VPS13C: variants seen among roughly 807,000 people sequenced by gnomAD.
VPS13C encodes intermembrane lipid transfer protein VPS13C.
A neutral mutation model predicts 456.8 loss-of-function variants in VPS13C; 358 were observed. That is an observed-to-expected ratio of 0.78 (90% CI 0.72 to 0.86). The LOEUF (loss-of-function observed/expected upper bound fraction) is 0.86. Ranked by LOEUF, VPS13C falls within the 40% of genes least tolerant of loss-of-function variation. The pLI is 0.00. For synonymous variants in VPS13C, 1,578 were observed against 1,486.7 expected, an observed-to-expected ratio of 1.06 and a Z score of -1.41; for missense variants, 4,818 against 4,385.4, an observed-to-expected ratio of 1.10 and a Z score of -2.79.
At chr15:61,878,934 A>C (rs1303559663) in intron 73 of VPS13C, among the ~76,000 whole-genome samples, 188 bp from the exon 74 acceptor site, 1 of 152,098 alleles carries the variant, frequency 6.6e-6, no homozygotes, top group Non-Finnish European at 1.5e-5. Context: ...TTTTTGATAG[A>C]ATACAAATTA....
intron 66 of VPS13C, among the ~76,000 whole-genome samples, chr15:61,895,528 C>G (rs1406720901): frequency 6.6e-6 from 1 of 151,806 alleles, no homozygotes; most frequent in East Asian, 1.9e-4. Context: ...CAGTTGATAC[C>G]AAGGAAATAC....
At chr15:61,865,338 C>T (rs8037603) in intron 81 of VPS13C, 13 of 974,230 alleles carry the variant, frequency 1.3e-5, no homozygotes, top group South Asian at 9.5e-5. Flanking sequence ...TGAATTAAGA[C>T]GAGATAAAAA....
intron 1 of VPS13C, among the ~76,000 whole-genome samples, chr15:62,047,688 C>G (rs899543118): frequency 2.6e-5 from 4 of 152,138 alleles, no homozygotes; most frequent in African/African-American, 9.7e-5. Flanking sequence ...TTCATTCATT[C>G]AAGCAGTAGC....
chr15:61,991,665 G>A lies in VPS13C; in HGVS notation c.1483+8C>T. 6.2e-7 allele frequency: 1 copy of A among 1,608,542 alleles called. No homozygotes were observed. Among genetic ancestry groups the A allele is most frequent in the Non-Finnish European group, 8.5e-7 (1 of 1,177,382 alleles). ...ACTGTACAATAAGTTATTTGACTTGGAACTTACTTTCAGGAATCAATGATT... is the reference window on the plus strand; with the variant it reads ...ACTGTACAATAAGTTATTTGACTTGAAACTTACTTTCAGGAATCAATGATT... On this transcript the variant is annotated splice_region_variant and intron_variant, in intron 17 of 84. Coordinates refer to ENST00000644861, the MANE Select transcript of VPS13C (RefSeq NM_020821.3).
chr15:61,967,922 G>A (rs1274121262), intron 28 of VPS13C, among the ~76,000 whole-genome samples: 1 of 151,974 alleles, frequency 6.6e-6, no homozygotes, highest in African/African-American at 2.4e-5. Flanking sequence ...TGTGGAAGGA[G>A]AAGTAATTTG....
At chr15:61,859,462 C>T (rs1013890321) in intron 82 of VPS13C, among the ~76,000 whole-genome samples, 1 of 152,180 alleles carries the variant, frequency 6.6e-6, no homozygotes, top group African/African-American at 2.4e-5. Context: ...TGAGCTGCTA[C>T]CTATGACTGA....
intron 19 of VPS13C, among the ~76,000 whole-genome samples, chr15:61,984,298 T>G (rs2045971281): frequency 6.6e-6 from 1 of 152,154 alleles, no homozygotes; most frequent in African/African-American, 2.4e-5. Context: ...GAATAAAAGA[T>G]CACACGACAT....
chr15:61,954,471 T>C lies in VPS13C; in HGVS notation c.4249A>G (p.Ile1417Val). 1.2e-6 allele frequency: 2 copies of C among 1,609,982 alleles called. No homozygotes were observed. Among genetic ancestry groups the C allele is most frequent in the Non-Finnish European group, 1.7e-6 (2 of 1,178,322 alleles). ...ATATTAATGATGTCTACAGACCTAATTTCTTCCACTCCAGTTGTTAAAGTA... is the reference window on the plus strand; with the variant it reads ...ATATTAATGATGTCTACAGACCTAACTTCTTCCACTCCAGTTGTTAAAGTA... ...KNTLTTGVEE[I>V]RSVDIINMLL... is the part of the protein sequence containing the mutation. The change falls in exon 38 of 85, where the codon ATT becomes GTT. Residue 1417 changes from isoleucine (I) to valine (V), a missense_variant. By Grantham distance (29) the Ile-to-Val change is conservative. Around this residue, in one of 3 missense-constraint regions of VPS13C, gnomAD observed 4,552 missense variants for 4,130.6 expected, o/e 1.10. Transcript: ENST00000644861.
chr15:61,958,128 T>C (rs776831259), intron 37 of VPS13C, among the ~76,000 whole-genome samples: 1 of 152,048 alleles, frequency 6.6e-6, no homozygotes, highest in African/African-American at 2.4e-5. Flanking sequence ...AAAAGGGCCA[T>C]GGTAACTAAT....
chr15:61,886,622 A>G (rs1404231611), intron 67 of VPS13C, among the ~76,000 whole-genome samples: 1 of 152,178 alleles, frequency 6.6e-6, no homozygotes, highest in Non-Finnish European at 1.5e-5. Context: ...AACATTATTT[A>G]TGGGAAACAA....
At chr15:61,973,673 T>C in intron 25 of VPS13C, 141 bp from the exon 26 acceptor site, 1 of 599,094 alleles carries the variant, frequency 1.7e-6, no homozygotes, top group Non-Finnish European at 2.9e-6. Context: ...AATATACAAA[T>C]CTTCCAACAA....
In VPS13C at chr15:61,920,582, T is replaced by G; in HGVS notation, c.7128A>C (p.Gln2376His). The change falls in exon 56 of 85, where the codon CAA becomes CAC. Residue 2376 changes from glutamine (Q) to histidine (H), a missense_variant. By Grantham distance (24) the Gln-to-His change is conservative. Coordinates refer to ENST00000644861, the MANE Select transcript of VPS13C (RefSeq NM_020821.3). ...LPGDDFIPEP[Q>H]MAIHISSGNT... ...TTCCTGAAGAAATATGAATTGCCAT[T>G]TGTGGCTCAGGAATAAAATCATCTC... is the stretch of plus-strand genomic sequence containing the variant. 6.3e-7 allele frequency: 1 copy of G among 1,592,700 alleles called. No individual in the cohort carries two copies. The highest frequency in any genetic ancestry group is 1.2e-5 in the South Asian group (1 of 85,974).
rs17238266 is a variant in VPS13C at position 61,954,355 on chromosome 15, T to C, written c.4299+66A>G. On this transcript the variant is annotated intron_variant, in intron 38 of 84. Transcript: ENST00000644861. ...CAGTATCAATTATCTGTAAGTTTAGTAGAGGTAATTCCAATATCCATTACT... is the reference window on the plus strand; with the variant it reads ...CAGTATCAATTATCTGTAAGTTTAGCAGAGGTAATTCCAATATCCATTACT... 202,701 of 1,515,874 alleles carry C rather than the reference T, an allele frequency of 0.13. 15,245 individuals carry two copies. The highest frequency in any genetic ancestry group is 0.18 in the Admixed American group (8,321 of 46,936). 93.9% of individuals were successfully genotyped at this position (1,515,874 alleles called of 1,614,324 possible). A position where few individuals can be genotyped will look rare whatever the true frequency, so the allele number is the denominator to read the frequency against.
chr15:61,875,673 T>C (rs1382690098), intron 76 of VPS13C, 59 bp downstream of exon 76: 8 of 1,215,088 alleles, frequency 6.6e-6, no homozygotes, highest in Non-Finnish European at 9.5e-6. Context: ...TATTTGTTAT[T>C]AAAAAATAGA....
Position 61,962,780 on chromosome 15 carries a change from G to A in VPS13C, c.3404C>T (p.Thr1135Ile), listed in dbSNP as rs142464908. The change falls in exon 33 of 85, where the codon ACA becomes ATA. Residue 1135 changes from threonine to isoleucine, a missense_variant. Coordinates refer to ENST00000644861, the MANE Select transcript of VPS13C (RefSeq NM_020821.3). ...ATGAACTGTCTTTGGATCAACATCT[G>A]TGACAATAATATTTTCTAGTCGGGC... ...LFARLENIIV[T>I]DVDPKTVHKK... 2 of 1,606,820 alleles carry A rather than the reference G, an allele frequency of 1.2e-6. No individual in the cohort carries two copies. The highest frequency in any genetic ancestry group is 1.7e-6 in the Non-Finnish European group (2 of 1,175,522).
At chr15:61,954,680 C>T (rs747059916) in intron 37 of VPS13C, 126 bp from the exon 38 acceptor site, 13 of 931,424 alleles carry the variant, frequency 1.4e-5, no homozygotes, top group Non-Finnish European at 2.0e-5. Flanking sequence ...AGTAACAGCG[C>T]TAGCCCTTGG....
chr15:61,963,864 T>C lies in VPS13C; in HGVS notation c.3302A>G (p.Lys1101Arg), dbSNP rs781108145. The change falls in exon 32 of 85, where the codon AAG (lysine) becomes AGG (arginine). Residue 1101 changes from lysine to arginine, a missense_variant. Physicochemically the swap from Lys to Arg is conservative, Grantham distance 26. Around this residue, in one of 3 missense-constraint regions of VPS13C, gnomAD observed 4,552 missense variants for 4,130.6 expected, o/e 1.10. Transcript: ENST00000644861. ...NAFCVIVCNE[K>R]NNIAEIKIQG... is the part of the protein sequence containing the mutation. ...AATCTTGATTTCGGCGATATTGTTC[T>C]TTTCGTTGCAAACAATGACACAGAA... 4 of 1,611,812 alleles carry C rather than the reference T, an allele frequency of 2.5e-6. No individual in the cohort carries two copies. Among genetic ancestry groups the C allele is most frequent in the Non-Finnish European group, 3.4e-6 (4 of 1,178,680 alleles).
At chr15:61,868,547 T>C (rs980559727) in intron 81 of VPS13C, 112 bp downstream of exon 81, 4 of 823,756 alleles carry the variant, frequency 4.9e-6, no homozygotes, top group South Asian at 4.7e-5. Context: ...AAACTATGTA[T>C]AATACTTAAA....
chr15:61,969,177 G>A (rs961462972), intron 28 of VPS13C, 122 bp downstream of exon 28: 2 of 684,912 alleles, frequency 2.9e-6, no homozygotes, highest in Non-Finnish European at 4.5e-6. Flanking sequence ...GTTATTACTT[G>A]TAAAGTGCTT....
Sources: gnomAD v4.1 joint callset for allele counts (sites outside exome capture counted in the v4.1 genomes callset) on GRCh38, gnomAD v4.1.1 for gene constraint, gnomAD v4.1.1 regional missense constraint, MANE v1.5 for transcripts, NCBI Gene and HGNC (gene_info 2026-07-23, HGNC 2026-07-21) for gene names.